SLC37A3: variants seen among roughly 807,000 people sequenced by gnomAD.
The protein encoded by SLC37A3 is solute carrier family 37 member 3.
SLC37A3 carries 51 observed loss-of-function variants against 67.1 expected under a neutral mutation model. The observed-to-expected ratio is 0.76, with a 90% CI of 0.61 to 0.96. The LOEUF is 0.96. Ranked by LOEUF, SLC37A3 falls within the 40% of genes least tolerant of loss-of-function variation. The pLI is 0.00. For missense variants in SLC37A3, 508 were observed against 603.0 expected, an observed-to-expected ratio of 0.84 and a Z score of 1.65; for synonymous variants, 214 against 231.4, an observed-to-expected ratio of 0.92 and a Z score of 0.68.
At chr7:140,369,172 C>T (rs1276793869) in intron 4 of SLC37A3, among the ~76,000 whole-genome samples, 1 of 152,222 alleles carries the variant, frequency 6.6e-6, no homozygotes, top group Non-Finnish European at 1.5e-5. Context: ...CAAATGCCCG[C>T]TGCCTCCTGA....
chr7:140,378,737 C>CAA (rs952874283), intron 3 of SLC37A3, among the ~76,000 whole-genome samples: 6 of 111,180 alleles, frequency 5.4e-5, no homozygotes, highest in East Asian at 2.5e-4. Context: ...CTCCATCTCA[C>CAA]AAAAAAAAAA....
intron 13 of SLC37A3, among the ~76,000 whole-genome samples, chr7:140,342,493 T>A (rs1563007290): frequency 6.6e-6 from 1 of 152,204 alleles, no homozygotes; most frequent in Non-Finnish European, 1.5e-5. Context: ...CAACATTCTC[T>A]TTCCCTATTA....
At chr7:140,396,364 A>G (rs1412426793) in intron 1 of SLC37A3, among the ~76,000 whole-genome samples, 2 of 152,216 alleles carry the variant, frequency 1.3e-5, no homozygotes, top group Non-Finnish European at 2.9e-5. Context: ...ATACGAAGCC[A>G]TTTACTTGAA....
intron 3 of SLC37A3, 69 bp downstream of exon 3, chr7:140,380,213 G>C (rs1439018364): frequency 1.1e-6 from 1 of 902,150 alleles, no homozygotes; most frequent in Non-Finnish European, 1.7e-6. Flanking sequence ...GCAAAAAAGA[G>C]CTTAAGAACA....
intron 1 of SLC37A3, among the ~76,000 whole-genome samples, chr7:140,389,755 C>T (rs1798652258): frequency 6.6e-6 from 1 of 152,172 alleles, no homozygotes; most frequent in Non-Finnish European, 1.5e-5. Context: ...TTCTACAACG[C>T]TGCTTTGGGA....
intron 9 of SLC37A3, 54 bp from the exon 10 acceptor site, chr7:140,348,821 C>T (rs775622414): frequency 1.7e-4 from 273 of 1,586,684 alleles, no homozygotes; most frequent in Non-Finnish European, 2.3e-4. Flanking sequence ...AGCACGACTA[C>T]CATTTTTAAT....
chr7:140,380,196 A>G, intron 3 of SLC37A3, 86 bp downstream of exon 3: 1 of 723,406 alleles, frequency 1.4e-6, no homozygotes, highest in Non-Finnish European at 2.3e-6. Flanking sequence ...CTAGGCAAGT[A>G]AAAGATGCAA....
At chr7:140,369,094 T>TC (rs1435662207) in intron 4 of SLC37A3, among the ~76,000 whole-genome samples, 2 of 152,052 alleles carry the variant, frequency 1.3e-5, no homozygotes, top group African/African-American at 2.4e-5. Context: ...CCCCACCGCA[T>TC]CTCTGGCCTC....
intron 7 of SLC37A3, among the ~76,000 whole-genome samples, chr7:140,354,118 G>A (rs902600960): frequency 1.3e-5 from 2 of 152,190 alleles, no homozygotes; most frequent in Non-Finnish European, 2.9e-5. Flanking sequence ...GTTTATCATG[G>A]TTGAACTATG....
intron 13 of SLC37A3, 135 bp downstream of exon 13, chr7:140,343,277 A>G: frequency 8.3e-7 from 1 of 1,200,166 alleles, no homozygotes; most frequent in Non-Finnish European, 1.2e-6. Flanking sequence ...CTGAGGGGAG[A>G]CGGAAGTCCT....
chr7:140,373,678 T>C (rs1367251215), intron 3 of SLC37A3, among the ~76,000 whole-genome samples: 11 of 29,162 alleles, frequency 3.8e-4, no homozygotes, highest in Admixed American at 1.9e-3. Context: ...TTTTTTTTTC[T>C]TTTTTTTTTT....
intron 8 of SLC37A3, chr7:140,351,719 TG>T: frequency 1.8e-6 from 1 of 565,340 alleles, no homozygotes; most frequent in Non-Finnish European, 3.1e-6. Flanking sequence ...GTATCTTTTT[TG>T]TGCATCATTT....
chr7:140,388,350 T>C (rs967775429), intron 1 of SLC37A3, among the ~76,000 whole-genome samples: 3 of 150,492 alleles, frequency 2.0e-5, no homozygotes, highest in Admixed American at 6.6e-5. Context: ...GGAGAATCAC[T>C]TGAGCCTGGG....
chr7:140,351,910 A>C (rs1302144537), intron 8 of SLC37A3, 152 bp downstream of exon 8: 4 of 793,324 alleles, frequency 5.0e-6, no homozygotes, highest in Non-Finnish European at 6.5e-6. Context: ...TACAATGTCG[A>C]CAGGACTCAA....
chr7:140,380,213 G>A, intron 3 of SLC37A3, 69 bp downstream of exon 3: 1 of 902,268 alleles, frequency 1.1e-6, no homozygotes, highest in African/African-American at 1.7e-5. Context: ...GCAAAAAAGA[G>A]CTTAAGAACA....
chr7:140,355,627 G>C (rs770121496), intron 7 of SLC37A3, 41 bp downstream of exon 7: 802 of 576,544 alleles, frequency 1.4e-3, no homozygotes, highest in Non-Finnish European at 1.6e-3. Flanking sequence ...TGTGCACACA[G>C]AGAGAGAGAG....
intron 5 of SLC37A3, among the ~76,000 whole-genome samples, chr7:140,359,990 C>G (rs574651066): frequency 1.3e-5 from 2 of 152,162 alleles, no homozygotes; most frequent in Non-Finnish European, 2.9e-5. Flanking sequence ...AAATAAAGTG[C>G]TTCCATCTCT....
chr7:140,353,063 C>A (rs1253717588), intron 7 of SLC37A3, among the ~76,000 whole-genome samples: 1 of 152,148 alleles, frequency 6.6e-6, no homozygotes, highest in African/African-American at 2.4e-5. Flanking sequence ...CTGACCCTAA[C>A]TACACCAAAA....
chr7:140,394,162 C>A (rs960399835), intron 1 of SLC37A3, among the ~76,000 whole-genome samples: 7 of 151,780 alleles, frequency 4.6e-5, no homozygotes, highest in Non-Finnish European at 8.8e-5. Context: ...CAGAGTGAGA[C>A]CCCATATCAA....
Sources: allele counts gnomAD v4.1 joint callset (sites outside exome capture counted in the v4.1 genomes callset), GRCh38; gene constraint gnomAD v4.1.1; transcripts MANE v1.5; gene names NCBI Gene and HGNC (gene_info 2026-07-23, HGNC 2026-07-21).